SUCLG2: variants seen among roughly 807,000 people sequenced by gnomAD.
SUCLG2 encodes the protein succinate-CoA ligase GDP-forming subunit beta.
In SUCLG2, 42 loss-of-function variants were observed where a neutral mutation model predicts 47.9. The ratio of observed to expected loss-of-function variants is 0.88; its 90% CI spans 0.69 to 1.14. SUCLG2 has a LOEUF of 1.14. Ranked by LOEUF, SUCLG2 falls within the 50% of genes most tolerant of loss-of-function variation. The pLI is 0.00. For synonymous variants in SUCLG2, 195 were observed against 197.3 expected, an observed-to-expected ratio of 0.99 and a Z score of 0.10; for missense variants, 571 against 525.9, an observed-to-expected ratio of 1.09 and a Z score of -0.84.
chr3:67,390,738 T>C (rs1254271298), intron 10 of SUCLG2, among the ~76,000 whole-genome samples: 4 of 152,140 alleles, frequency 2.6e-5, no homozygotes, highest in Middle Eastern at 3.2e-3. Flanking sequence ...CATGAAACTG[T>C]TGAGAAATGT....
chr3:67,555,720 G>A (rs1707143822), intron 2 of SUCLG2, among the ~76,000 whole-genome samples: 1 of 152,100 alleles, frequency 6.6e-6, no homozygotes, highest in South Asian at 2.1e-4. Context: ...AGAAGAACAG[G>A]CTCTTCCTTA....
chr3:67,602,715 G>A (rs141677956), intron 2 of SUCLG2, among the ~76,000 whole-genome samples: 12 of 152,062 alleles, frequency 7.9e-5, no homozygotes, highest in African/African-American at 2.4e-4. Flanking sequence ...CTCCTTTAAG[G>A]AGCATTTGCA....
At chr3:67,494,310 T>C (rs1260417762) in intron 9 of SUCLG2, among the ~76,000 whole-genome samples, 1 of 152,206 alleles carries the variant, frequency 6.6e-6, no homozygotes, top group Non-Finnish European at 1.5e-5. Context: ...ATATATTAGA[T>C]ACTCTAACAA....
At chr3:67,398,305 A>C (rs1200101364) in intron 10 of SUCLG2, among the ~76,000 whole-genome samples, 9 of 151,106 alleles carry the variant, frequency 6.0e-5, no homozygotes, top group Non-Finnish European at 1.2e-4. Context: ...ATCTACAATG[A>C]ACTCAAACAA....
chr3:67,456,033 G>A (rs1444676452), intron 9 of SUCLG2, among the ~76,000 whole-genome samples: 1 of 149,752 alleles, frequency 6.7e-6, no homozygotes, highest in Non-Finnish European at 1.5e-5. Flanking sequence ...GTATAAGGCA[G>A]AGACTATTGG....
chr3:67,564,422 T>C (rs545023702), intron 2 of SUCLG2, among the ~76,000 whole-genome samples: 2 of 152,272 alleles, frequency 1.3e-5, no homozygotes, highest in South Asian at 4.2e-4. Context: ...GAGAAGGAAA[T>C]ATGTCAGCAT....
At chr3:67,626,468 AC>A (rs1465494833) in intron 1 of SUCLG2, among the ~76,000 whole-genome samples, 172 of 152,254 alleles carry the variant, frequency 1.1e-3, no homozygotes, top group African/African-American at 3.6e-3. Context: ...ACAGGAAAAG[AC>A]CAGTTACTGG....
intron 9 of SUCLG2, among the ~76,000 whole-genome samples, chr3:67,453,223 C>CG (rs1553645667): frequency 6.7e-6 from 1 of 149,930 alleles, no homozygotes; most frequent in African/African-American, 2.5e-5. Flanking sequence ...ATTCAGACTT[C>CG]TTTTTTTTTT....
chr3:67,531,101 A>C (rs1706391307), intron 2 of SUCLG2, among the ~76,000 whole-genome samples: 1 of 152,246 alleles, frequency 6.6e-6, no homozygotes, highest in Non-Finnish European at 1.5e-5. Context: ...TGTGAAGAAT[A>C]AATGAAATAC....
chr3:67,530,064 G>A (rs1003391649), intron 2 of SUCLG2, among the ~76,000 whole-genome samples: 9 of 152,134 alleles, frequency 5.9e-5, no homozygotes, highest in African/African-American at 2.2e-4. Context: ...GACCACAGCT[G>A]ATATCCTCTG....
chr3:67,506,005 C>A (rs1460734135), intron 7 of SUCLG2, among the ~76,000 whole-genome samples: 2 of 151,810 alleles, frequency 1.3e-5, no homozygotes, highest in Admixed American at 1.3e-4. Flanking sequence ...ACAACAACAA[C>A]AAAAAAGAGC....
chr3:67,520,413 C>A, intron 5 of SUCLG2, 69 bp downstream of exon 5: 2 of 1,602,422 alleles, frequency 1.2e-6, no homozygotes, highest in Non-Finnish European at 1.7e-6. Context: ...CTTAGACTCC[C>A]CATTAAATAT....
chr3:67,488,093 G>C (rs903057633), intron 9 of SUCLG2, among the ~76,000 whole-genome samples: 2 of 151,796 alleles, frequency 1.3e-5, no homozygotes, highest in Non-Finnish European at 2.9e-5. Context: ...GTCTAGTTTT[G>C]TCAAAACTAG....
intron 9 of SUCLG2, among the ~76,000 whole-genome samples, chr3:67,409,817 C>T (rs1239206466): frequency 6.6e-6 from 1 of 151,900 alleles, no homozygotes; most frequent in Non-Finnish European, 1.5e-5. Context: ...AGAATGAAGA[C>T]ATCTTCCATT....
At chr3:67,483,674 C>G (rs1173480884) in intron 9 of SUCLG2, among the ~76,000 whole-genome samples, 1 of 152,192 alleles carries the variant, frequency 6.6e-6, no homozygotes, top group Non-Finnish European at 1.5e-5. Flanking sequence ...AGGGATGACA[C>G]TTAATATATT....
At chr3:67,536,739 C>A (rs1706554227) in intron 2 of SUCLG2, among the ~76,000 whole-genome samples, 1 of 152,186 alleles carries the variant, frequency 6.6e-6, no homozygotes, top group African/African-American at 2.4e-5. Flanking sequence ...AGGATTCAGG[C>A]TGGGCAACTT....
intron 9 of SUCLG2, among the ~76,000 whole-genome samples, chr3:67,470,689 C>A (rs1484002828): frequency 1.3e-5 from 2 of 152,208 alleles, no homozygotes. Flanking sequence ...GATGGTTGAG[C>A]AGGTGCTAGC....
chr3:67,452,115 C>T (rs897866663), intron 9 of SUCLG2, among the ~76,000 whole-genome samples: 2 of 152,148 alleles, frequency 1.3e-5, no homozygotes, highest in Non-Finnish European at 2.9e-5. Flanking sequence ...GTGATTAACT[C>T]CTCTCCAGAA....
chr3:67,362,027 G>T (rs1226588845), intron 10 of SUCLG2, among the ~76,000 whole-genome samples: 2 of 152,120 alleles, frequency 1.3e-5, no homozygotes, highest in African/African-American at 2.4e-5. Flanking sequence ...CAAACCAACA[G>T]GAAAAATTGC....
Sources: allele counts gnomAD v4.1 joint callset (sites outside exome capture counted in the v4.1 genomes callset), GRCh38; gene constraint gnomAD v4.1.1; transcripts MANE v1.5; gene names NCBI Gene and HGNC (gene_info 2026-07-23, HGNC 2026-07-21).